Variants in CASR observed in about 807,000 individuals in gnomAD.
CASR encodes the protein extracellular calcium-sensing receptor.
Under a neutral mutation model 69.1 loss-of-function variants are expected in CASR, and 23 were observed. That is an observed-to-expected ratio of 0.33 (90% CI 0.24 to 0.47). The LOEUF (loss-of-function observed/expected upper bound fraction) is 0.47, where lower values mean the gene tolerates loss of function less well. CASR is among the 20% of genes least tolerant of loss of function. The probability of loss-of-function intolerance (pLI) is 1.00; values close to 1 mark genes in which losing one functional copy is unlikely to be tolerated. For missense variants in CASR, 924 were observed against 1,356.1 expected (o/e 0.68, Z 5.00); for synonymous variants, 541 against 544.7 (o/e 0.99, Z 0.10).
intron 1 of CASR, among the ~76,000 whole-genome samples, chr3:122,185,904 A>C (rs1398877342): frequency 6.6e-6 from 1 of 151,808 alleles, no homozygotes; most frequent in African/African-American, 2.4e-5. Context: ...AGTAGAGAAG[A>C]CTCCTCAAGC....
intron 1 of CASR, among the ~76,000 whole-genome samples, chr3:122,220,567 A>G (rs17203523): frequency 0.16 from 24,800 of 152,244 alleles, 2,101 homozygotes; most frequent in Non-Finnish European, 0.18. Context: ...CTTGATATCC[A>G]GAAGAAGAGA....
At chr3:122,273,315 T>C (rs2074779848) in intron 4 of CASR, among the ~76,000 whole-genome samples, 1 of 152,200 alleles carries the variant, frequency 6.6e-6, no homozygotes, top group African/African-American at 2.4e-5. Context: ...TATATGACTT[T>C]TGCAAGTTTC....
intron 1 of CASR, among the ~76,000 whole-genome samples, chr3:122,219,373 T>C (rs916712954): frequency 2.0e-5 from 3 of 152,152 alleles, no homozygotes; most frequent in Non-Finnish European, 4.4e-5. Flanking sequence ...AAAGAAGTGG[T>C]GGCATGATTC....
chr3:122,213,007 A>G (rs1344197170), intron 1 of CASR, among the ~76,000 whole-genome samples: 1 of 152,162 alleles, frequency 6.6e-6, no homozygotes, highest in African/African-American at 2.4e-5. Context: ...TGTGAGACTC[A>G]AGGTAAAATT....
chr3:122,212,882 T>G (rs1371317936), intron 1 of CASR, among the ~76,000 whole-genome samples: 1 of 152,184 alleles, frequency 6.6e-6, no homozygotes, highest in Non-Finnish European at 1.5e-5. Flanking sequence ...CCTCAGGTGA[T>G]CCGCTTGCCT....
chr3:122,237,677 C>T (rs2074341468), intron 1 of CASR, among the ~76,000 whole-genome samples: 1 of 152,092 alleles, frequency 6.6e-6, no homozygotes. Flanking sequence ...TTTTATGAAG[C>T]TTAAAACAAC....
At chr3:122,209,015 G>A (rs1305688049) in intron 1 of CASR, among the ~76,000 whole-genome samples, 1 of 152,108 alleles carries the variant, frequency 6.6e-6, no homozygotes, top group African/African-American at 2.4e-5. Context: ...AAACCTTGAG[G>A]GCAGGATTTC....
At chr3:122,279,681 TTTTTAACCTCTCAGG>T (rs1445742327) in intron 5 of CASR, among the ~76,000 whole-genome samples, 5 of 152,186 alleles carry the variant, frequency 3.3e-5, no homozygotes, top group Admixed American at 6.5e-5. Flanking sequence ...AAAACAAAAA[TTTTTAACCTCTCAGG>T]TTTTAACCTC....
chr3:122,256,753 G>A (rs1034271421), intron 2 of CASR, among the ~76,000 whole-genome samples: 2 of 152,128 alleles, frequency 1.3e-5, no homozygotes, highest in Non-Finnish European at 2.9e-5. Flanking sequence ...CTGTAGCTGG[G>A]ATTACAGACA....
Position 122,284,610 on chromosome 3 carries a change from C to A in CASR, c.2656C>A (p.Arg886=), listed in dbSNP as rs1559969429. Residue 886 remains arginine, a synonymous_variant, in exon 7 of 7, where the codon CGG becomes AGG. Coordinates refer to ENST00000639785, the MANE Select transcript of CASR (RefSeq NM_000388.4). The stretch of plus-strand genomic sequence containing the variant: ...AGCTCACGCTTTCAAGGTGGCTGCC[C>A]GGGCCACGCTGCGCCGCAGCAACGT... ...TAAHAFKVAA[R]ATLRRSNVSR... The A allele has an allele frequency of 4.3e-6, 7 of 1,613,944 alleles. No homozygotes were observed. The African/African-American group carries it at 8.0e-5, about 18-fold the overall frequency.
intron 1 of CASR, among the ~76,000 whole-genome samples, chr3:122,206,764 T>G (rs950636229): frequency 6.6e-6 from 1 of 152,078 alleles, no homozygotes; most frequent in African/African-American, 2.4e-5. Context: ...TCAATATTGG[T>G]TTATTGAGGT....
chr3:122,254,329 A>G lies in CASR; in HGVS notation c.140A>G (p.Lys47Arg). 2 of 1,614,214 alleles carry G rather than the reference A, an allele frequency of 1.2e-6. No individual in the cohort carries two copies. Among genetic ancestry groups the G allele is most frequent in the Non-Finnish European group, 1.7e-6 (2 of 1,180,038 alleles). The part of the protein sequence containing the change: ...LFPIHFGVAA[K>R]DQDLKSRPES... ...CCTATTCATTTTGGAGTAGCAGCTA[A>G]AGATCAAGATCTCAAATCAAGGCCG... is the stretch of plus-strand genomic sequence containing the variant. The change falls in exon 2 of 7, where the codon AAA becomes AGA. Residue 47 changes from lysine (K) to arginine (R), a missense_variant. Transcript: ENST00000639785.
intron 4 of CASR, among the ~76,000 whole-genome samples, chr3:122,268,420 T>C (rs2074718178): frequency 6.6e-6 from 1 of 152,196 alleles, no homozygotes; most frequent in Non-Finnish European, 1.5e-5. Context: ...GCTAAAAGAA[T>C]GACTTTTGCC....
In CASR at chr3:122,277,016, A is replaced by G. The variant is rs374166187; in HGVS notation, c.1608+974A>G. On this transcript the variant is annotated intron_variant, in intron 5 of 6. Coordinates refer to ENST00000639785, the MANE Select transcript of CASR (RefSeq NM_000388.4). ...ATTTCTATTTGCATTTGCCTTTTTTATTATCACCTTTGAGCATCTTGGACC... is the reference window on the plus strand; with the variant it reads ...ATTTCTATTTGCATTTGCCTTTTTTGTTATCACCTTTGAGCATCTTGGACC... Among the ~76,000 whole-genome samples the G allele has an allele frequency of 4.0e-5, 5 of 125,200 alleles. No individual in the cohort carries two copies. In the South Asian group the frequency reaches 1.4e-3, roughly 34 times the overall value. The allele number at this position is 125,200 out of a possible 152,430, so 82.1% of individuals were successfully genotyped here.
chr3:122,237,582 T>C (rs543167504), intron 1 of CASR, among the ~76,000 whole-genome samples: 1 of 152,376 alleles, frequency 6.6e-6, no homozygotes, highest in East Asian at 1.9e-4. Flanking sequence ...TCATGGATTA[T>C]AGTAAAGTAC....
chr3:122,223,405 C>A (rs577109775), intron 1 of CASR, among the ~76,000 whole-genome samples: 3 of 151,994 alleles, frequency 2.0e-5, no homozygotes, highest in Non-Finnish European at 4.4e-5. Flanking sequence ...AAATCCTTAG[C>A]GAATATTATC....
intron 2 of CASR, among the ~76,000 whole-genome samples, chr3:122,256,354 C>T (rs944434341): frequency 2.0e-5 from 3 of 152,118 alleles, no homozygotes; most frequent in Admixed American, 2.0e-4. Flanking sequence ...TTATGTTTTC[C>T]TGGTCCTTTT....
At chr3:122,219,570 T>A (rs1276440376) in intron 1 of CASR, among the ~76,000 whole-genome samples, 11 of 152,170 alleles carry the variant, frequency 7.2e-5, no homozygotes, top group Admixed American at 7.2e-4. Flanking sequence ...GAGGAATCTG[T>A]TGAGCTGGGT....
At chr3:122,196,791 G>A (rs193068438) in intron 1 of CASR, among the ~76,000 whole-genome samples, 1 of 152,064 alleles carries the variant, frequency 6.6e-6, no homozygotes, top group African/African-American at 2.4e-5. Flanking sequence ...TCTGCATGTT[G>A]TCCCCTTTGC....
Sources: allele counts gnomAD v4.1 joint callset (sites outside exome capture counted in the v4.1 genomes callset), GRCh38; gene constraint gnomAD v4.1.1; transcripts MANE v1.5; gene names NCBI Gene and HGNC (gene_info 2026-07-23, HGNC 2026-07-21).